Variants in NCKAP5 observed in about 807,000 individuals in gnomAD.
The protein encoded by NCKAP5 is NCK associated protein 5, also known as nck-associated protein 5.
In NCKAP5, 92 loss-of-function variants were observed where a neutral mutation model predicts 167.0. The observed-to-expected ratio is 0.55, with a 90% CI of 0.47 to 0.66. The LOEUF (loss-of-function observed/expected upper bound fraction) is 0.66. Among genes scored for constraint, NCKAP5 ranks in the 30% least tolerant of loss-of-function variants. The probability of loss-of-function intolerance (pLI) is 0.00; values close to 1 mark genes in which losing one functional copy is unlikely to be tolerated. For synonymous variants in NCKAP5, 891 were observed against 877.4 expected (o/e 1.02, Z -0.27); for missense variants, 2,378 against 2,315.0 (o/e 1.03, Z -0.56).
chr2:132,677,365 G>A (rs1684625035), intron 19 of NCKAP5, among the ~76,000 whole-genome samples: 1 of 152,158 alleles, frequency 6.6e-6, no homozygotes, highest in South Asian at 2.1e-4. Flanking sequence ...ATTCAAGCAA[G>A]AAGTGTATAG....
At chr2:132,892,631 A>G (rs1692805223) in intron 8 of NCKAP5, among the ~76,000 whole-genome samples, 1 of 152,212 alleles carries the variant, frequency 6.6e-6, no homozygotes, top group African/African-American at 2.4e-5. Context: ...TGCAAAACTC[A>G]TTGACTGATT....
intron 3 of NCKAP5, among the ~76,000 whole-genome samples, chr2:133,413,041 C>T (rs569580929): frequency 6.6e-6 from 1 of 152,158 alleles, no homozygotes; most frequent in African/African-American, 2.4e-5. Flanking sequence ...TGGGCCAAAG[C>T]CTGCAGGTCT....
chr2:132,878,641 C>CGCAT (rs1417230241), intron 9 of NCKAP5, among the ~76,000 whole-genome samples: 19 of 50,144 alleles, frequency 3.8e-4, no homozygotes, highest in African/African-American at 1.2e-3. Context: ...CACACACACA[C>CGCAT]ACACACACAC....
At chr2:133,371,092 G>C (rs776063965) in intron 3 of NCKAP5, among the ~76,000 whole-genome samples, 1 of 152,092 alleles carries the variant, frequency 6.6e-6, no homozygotes, top group East Asian at 1.9e-4. Flanking sequence ...TAAGAAGCAG[G>C]GTCTACAAAC....
At chr2:133,388,075 A>G (rs1298034135) in intron 3 of NCKAP5, among the ~76,000 whole-genome samples, 2 of 152,260 alleles carry the variant, frequency 1.3e-5, no homozygotes, top group East Asian at 1.9e-4. Flanking sequence ...GCTTTGTTCC[A>G]TTGCTGGTGA....
chr2:132,814,928 G>A (rs572651989), intron 11 of NCKAP5, among the ~76,000 whole-genome samples: 21 of 152,248 alleles, frequency 1.4e-4, no homozygotes, highest in Admixed American at 9.8e-4. Flanking sequence ...CTGGAGTTCC[G>A]TAAACAATGT....
intron 6 of NCKAP5, among the ~76,000 whole-genome samples, chr2:132,997,948 C>T (rs1229240004): frequency 6.6e-6 from 1 of 152,130 alleles, no homozygotes; most frequent in African/African-American, 2.4e-5. Context: ...CTATCATAAA[C>T]AAGGAAGTAA....
the NCKAP5 span, among the ~76,000 whole-genome samples, chr2:133,631,700 C>T: frequency 6.6e-6 from 1 of 152,182 alleles, no homozygotes; most frequent in Non-Finnish European, 1.5e-5. Flanking sequence ...ACTAGTATAG[C>T]TAAGTCTTCC....
chr2:133,490,329 C>T (rs1681330964), intron 3 of NCKAP5, among the ~76,000 whole-genome samples: 1 of 152,138 alleles, frequency 6.6e-6, no homozygotes, highest in Admixed American at 6.5e-5. Flanking sequence ...TTAGGGAACA[C>T]CCACCTATTC....
At position 133,129,978 on chromosome 2, in the gene NCKAP5, C is replaced by G. The variant is rs1357354724; in HGVS notation, c.341G>C (p.Arg114Thr). The change falls in exon 6 of 20, where the codon AGG (arginine) becomes ACG (threonine). Residue 114 changes from arginine (R) to threonine (T), a missense_variant and splice_region_variant. Coordinates refer to ENST00000409261, the MANE Select transcript of NCKAP5 (RefSeq NM_207363.3). ...QMRSLQQQFS[R>T]MEETVRNLLQ... ...CAATCTGCTCAGCTAAGAACAATAC[C>G]TGGAGAACTGCTGCTGCAAGCTACG... 1 of 1,604,188 alleles carries G rather than the reference C, an allele frequency of 6.2e-7. No homozygotes were observed.
At chr2:133,523,774 A>T (rs1365033555) in intron 2 of NCKAP5, among the ~76,000 whole-genome samples, 1 of 152,202 alleles carries the variant, frequency 6.6e-6, no homozygotes, top group Non-Finnish European at 1.5e-5. Context: ...CCAACGCACC[A>T]GCTCCCACAC....
chr2:132,825,382 C>T (rs1687054597), intron 11 of NCKAP5, among the ~76,000 whole-genome samples: 1 of 152,160 alleles, frequency 6.6e-6, no homozygotes, highest in Non-Finnish European at 1.5e-5. Flanking sequence ...TTCACATCTC[C>T]ACCCCTAAGA....
chr2:133,039,551 C>G (rs1016323326), intron 6 of NCKAP5, among the ~76,000 whole-genome samples: 1 of 152,186 alleles, frequency 6.6e-6, no homozygotes, highest in Non-Finnish European at 1.5e-5. Context: ...GCTGCACACT[C>G]TATCATCTGG....
At chr2:132,744,458 T>C (rs1389605119) in intron 16 of NCKAP5, among the ~76,000 whole-genome samples, 1 of 151,552 alleles carries the variant, frequency 6.6e-6, no homozygotes, top group Non-Finnish European at 1.5e-5. Context: ...TATTTTGAAA[T>C]GAATGAAAAT....
chr2:132,990,606 C>A (rs1193325720), intron 7 of NCKAP5, among the ~76,000 whole-genome samples: 1 of 152,054 alleles, frequency 6.6e-6, no homozygotes, highest in African/African-American at 2.4e-5. Context: ...AGTTGGGCTC[C>A]ATATCATCAC....
chr2:133,188,961 A>G (rs2085079981), intron 5 of NCKAP5, among the ~76,000 whole-genome samples: 1 of 152,124 alleles, frequency 6.6e-6, no homozygotes, highest in Non-Finnish European at 1.5e-5. Flanking sequence ...AGATAGAGAC[A>G]CAAAAAACTC....
chr2:133,210,191 A>AATATAATATAAT (rs1382565578), intron 5 of NCKAP5, among the ~76,000 whole-genome samples: 8 of 148,888 alleles, frequency 5.4e-5, no homozygotes, highest in Non-Finnish European at 1.0e-4. Flanking sequence ...AATATAATAT[A>AATATAATATAAT]ATATAACATA....
intron 8 of NCKAP5, among the ~76,000 whole-genome samples, chr2:132,960,245 G>A (rs960504960): frequency 6.6e-5 from 10 of 152,284 alleles, no homozygotes; most frequent in Non-Finnish European, 7.4e-5. Context: ...CTGAGCAGGC[G>A]GATGATATGG....
chr2:133,553,293 A>C (rs571041683), intron 2 of NCKAP5, among the ~76,000 whole-genome samples: 2 of 152,342 alleles, frequency 1.3e-5, no homozygotes, highest in African/African-American at 4.8e-5. Flanking sequence ...TGGTATGAAT[A>C]TGGCAGAGCA....
Sources: allele counts gnomAD v4.1 joint callset (sites outside exome capture counted in the v4.1 genomes callset), GRCh38; gene constraint gnomAD v4.1.1; transcripts MANE v1.5; gene names NCBI Gene and HGNC (gene_info 2026-07-23, HGNC 2026-07-21).